The following FANCA variants were observed in gnomAD, a reference collection of about 807,000 sequenced individuals.
FANCA encodes FA complementation group A.
Under a neutral mutation model 194.3 loss-of-function variants are expected in FANCA, and 236 were observed. The observed-to-expected ratio is 1.21, with a 90% CI of 1.09 to 1.35. The LOEUF is 1.35. Among genes scored for constraint, FANCA ranks in the 40% most tolerant of loss-of-function variants. FANCA has a pLI of 0.00. For synonymous variants in FANCA, 1,014 were observed against 715.8 expected, an observed-to-expected ratio of 1.42 and a Z score of -6.65; for missense variants, 2,628 against 1,813.9, an observed-to-expected ratio of 1.45 and a Z score of -8.15.
chr16:89,779,891 G>A lies in FANCA; in HGVS notation c.1693C>T (p.Pro565Ser), dbSNP rs761922839. The change falls in exon 18 of 43, where the codon CCA becomes TCA. Residue 565 changes from proline (P) to serine (S), a missense_variant. Coordinates refer to ENST00000389301, the MANE Select transcript of FANCA (RefSeq NM_000135.4). ...IMVFEHTGNI[P>S]VTVMEASIFR... ...TACCTGGCCTCCATGACGGTGACTG[G>A]GATGTTCCCCGTATGCTCAAACACC... is the stretch of plus-strand genomic sequence containing the variant. The A allele has an allele frequency of 1.9e-5, 30 of 1,613,782 alleles. No individual in the cohort carries two copies. In the South Asian group the frequency reaches 2.7e-4, roughly 15 times the overall value.
Position 89,739,557 on chromosome 16 carries a change from C to CA in FANCA, c.3935-5dup, listed in dbSNP as rs2151713066. ...AGGAGCCGCCCCAGCCTGAGGTCTG[C>CA]AACACCAAGAAGTGGCTCAGGCAAC... On this transcript the variant is annotated splice_polypyrimidine_tract_variant and splice_region_variant and intron_variant, in intron 39 of 42. Transcript: ENST00000389301. 2.6e-6 allele frequency: 4 copies of CA among 1,551,154 alleles called. No individual in the cohort carries two copies. In the East Asian group the frequency reaches 9.8e-5, roughly 38 times the overall value.
At chr16:89,805,892 T>G (rs963759849) in intron 6 of FANCA, among the ~76,000 whole-genome samples, 9 of 152,162 alleles carry the variant, frequency 5.9e-5, no homozygotes, top group African/African-American at 2.2e-4. Flanking sequence ...CTAAATTTAT[T>G]CCTCTTTGTT....
At chr16:89,816,122 G>T (rs756939490) in intron 1 of FANCA, 136 bp from the exon 2 acceptor site, 2 of 723,328 alleles carry the variant, frequency 2.8e-6, no homozygotes, top group Admixed American at 4.0e-5. Context: ...CCTCCCCAGG[G>T]CGCAGGTCTC....
chr16:89,750,466 G>C (rs1351242196), intron 31 of FANCA, among the ~76,000 whole-genome samples: 1 of 145,286 alleles, frequency 6.9e-6, no homozygotes, highest in Non-Finnish European at 1.5e-5. Context: ...CTGGGCAACA[G>C]AGTGAGACTC....
At chr16:89,772,256 C>T (rs538519987) in intron 22 of FANCA, among the ~76,000 whole-genome samples, 11 of 152,348 alleles carry the variant, frequency 7.2e-5, no homozygotes, top group African/African-American at 2.4e-4. Flanking sequence ...CATGTATCAA[C>T]CTCTTGCTTA....
chr16:89,774,099 T>C lies in FANCA; in HGVS notation c.1901-715A>G, dbSNP rs546065462. Among the ~76,000 whole-genome samples the C allele has an allele frequency of 5.3e-5, 8 of 152,198 alleles. No homozygotes were observed. In the South Asian group the frequency reaches 1.7e-3, roughly 32 times the overall value. On this transcript the variant is annotated intron_variant, in intron 21 of 42. Coordinates refer to ENST00000389301, the MANE Select transcript of FANCA (RefSeq NM_000135.4). ...TTTCAATATAAAAAGGAAGATACGC[T>C]GCATATGTTTTTAAAGTAAAAAACC...
chr16:89,741,044 T>A (rs2062120699), intron 37 of FANCA, 178 bp from the exon 38 acceptor site: 3 of 644,504 alleles, frequency 4.7e-6, no homozygotes, highest in Non-Finnish European at 8.4e-6. Flanking sequence ...GAGAATTAAT[T>A]ACTACTGGCT....
chr16:89,771,630 T>C (rs773470836), intron 23 of FANCA, 48 bp downstream of exon 23: 66 of 1,608,742 alleles, frequency 4.1e-5, no homozygotes, highest in Non-Finnish European at 5.4e-5. Flanking sequence ...CTCTGCCTAA[T>C]GGAAAATGGT....
At chr16:89,775,946 A>G in intron 20 of FANCA, 131 bp from the exon 21 acceptor site, 1 of 464,252 alleles carries the variant, frequency 2.2e-6, no homozygotes, top group Non-Finnish European at 3.7e-6. Context: ...GTACAGTATG[A>G]GCCTGTTTTT....
At chr16:89,778,740 T>C (rs1487423063) in intron 20 of FANCA, 61 bp downstream of exon 20, 4 of 1,495,806 alleles carry the variant, frequency 2.7e-6, no homozygotes, top group Non-Finnish European at 3.7e-6. Flanking sequence ...AGATCCACAA[T>C]TCTTCGCATT....
intron 28 of FANCA, chr16:89,762,612 T>C (rs2038990267): frequency 1.3e-5 from 3 of 230,130 alleles, no homozygotes; most frequent in Non-Finnish European, 2.7e-5. Context: ...AACAACAACA[T>C]TCTACAGCTA....
intron 10 of FANCA, 183 bp downstream of exon 10, chr16:89,798,983 C>T: frequency 1.2e-6 from 2 of 1,613,800 alleles, no homozygotes; most frequent in Non-Finnish European, 1.7e-6. Context: ...AAAAGGCTGA[C>T]CAGAGCGTTC....
intron 29 of FANCA, among the ~76,000 whole-genome samples, chr16:89,759,641 G>A (rs1014075073): frequency 6.6e-6 from 1 of 151,972 alleles, no homozygotes; most frequent in Non-Finnish European, 1.5e-5. Context: ...CCCACCTGTG[G>A]TCCCAGCTAC....
chr16:89,749,674 T>G, intron 32 of FANCA, 56 bp downstream of exon 32: 1,171 of 1,557,660 alleles, frequency 7.5e-4, no homozygotes, highest in Non-Finnish European at 9.4e-4. Context: ...AGGACCGTCA[T>G]GAGATGCTGC....
intron 14 of FANCA, among the ~76,000 whole-genome samples, chr16:89,786,101 C>T (rs1371455402): frequency 1.7e-4 from 25 of 149,286 alleles, no homozygotes; most frequent in Non-Finnish European, 3.0e-5. Context: ...TCACTGCAAC[C>T]TCTGCCTCCC....
At position 89,765,008 on chromosome 16, in the gene FANCA, T is replaced by C. The variant is rs1222220230; in HGVS notation, c.2660A>G (p.Asp887Gly). Residue 887 changes from aspartate (D) to glycine (G), a missense_variant, in exon 28 of 43, where the codon GAC (aspartate) becomes GGC (glycine). By Grantham distance (94) the Asp-to-Gly change is moderately conservative. Transcript: ENST00000389301. Reference sequence around the variant, plus strand: ...GGGTCTCCAGGAAAGGCTGGCTACGTCCTCCTCAGAAAGAGGCTGTCGGGC... The same window carrying C: ...GGGTCTCCAGGAAAGGCTGGCTACGCCCTCCTCAGAAAGAGGCTGTCGGGC... ...SEARQPLSEE[D>G]VASLSWRPLH... The C allele has an allele frequency of 1.2e-6, 2 of 1,614,172 alleles. No homozygotes were observed. Among genetic ancestry groups the C allele is most frequent in the East Asian group, 4.5e-5 (2 of 44,876 alleles).
At chr16:89,814,667 G>C in intron 2 of FANCA, 54 bp from the exon 3 acceptor site, 1 of 1,327,180 alleles carries the variant, frequency 7.5e-7, no homozygotes, top group Non-Finnish European at 1.1e-6. Context: ...TCCAGGCCAG[G>C]CGTAGTGGCT....
chr16:89,737,762 T>C lies in FANCA; in HGVS notation c.*839A>G, dbSNP rs564745463. 2.6e-5 allele frequency: 42 copies of C among 1,610,268 alleles called. 1 individual carries two copies. The South Asian group carries it at 4.1e-4, about 16-fold the overall frequency. ...TTGTCATCGTCGTCCCCCCGGGAGG[T>C]TGGAGCATCAGGGGCCTGGACTCAC... is the stretch of plus-strand genomic sequence containing the variant. On this transcript the variant is annotated 3_prime_UTR_variant, in exon 43 of 43. Transcript: ENST00000389301.
chr16:89,741,436 G>T (rs369727129), intron 37 of FANCA, among the ~76,000 whole-genome samples: 60 of 152,370 alleles, frequency 3.9e-4, no homozygotes, highest in African/African-American at 1.4e-3. Flanking sequence ...TTGAGCTGGT[G>T]TAAGTTGTGT....
Sources: gnomAD v4.1 joint callset for allele counts (sites outside exome capture counted in the v4.1 genomes callset) on GRCh38, gnomAD v4.1.1 for gene constraint, MANE v1.5 for transcripts, NCBI Gene and HGNC (gene_info 2026-07-23, HGNC 2026-07-21) for gene names.